Variants in DIP2A observed in about 807,000 individuals in gnomAD.
DIP2A encodes the protein DIP2 acetate--CoA ligase A.
In DIP2A, 85 loss-of-function variants were observed where a neutral mutation model predicts 177.4. That is an observed-to-expected ratio of 0.48 (90% CI 0.40 to 0.57). DIP2A has a LOEUF of 0.57. DIP2A is among the 20% of genes least tolerant of loss of function. The pLI is 0.00. For synonymous variants in DIP2A, 886 were observed against 881.8 expected, an observed-to-expected ratio of 1.00 and a Z score of -0.08; for missense variants, 1,791 against 2,100.2, an observed-to-expected ratio of 0.85 and a Z score of 2.88.
At chr21:46,504,073 C>T (rs1026989754) in intron 5 of DIP2A, among the ~76,000 whole-genome samples, 2 of 152,208 alleles carry the variant, frequency 1.3e-5, no homozygotes, top group African/African-American at 4.8e-5. Context: ...TTGTGACAGG[C>T]AGGTTTACTC....
intron 1 of DIP2A, among the ~76,000 whole-genome samples, chr21:46,472,956 C>T (rs2055524989): frequency 6.6e-6 from 1 of 152,176 alleles, no homozygotes; most frequent in Non-Finnish European, 1.5e-5. Context: ...GGCTACTGAA[C>T]ACTTGAAATG....
chr21:46,461,467 C>T (rs764742396), intron 1 of DIP2A, among the ~76,000 whole-genome samples: 1 of 151,874 alleles, frequency 6.6e-6, no homozygotes, highest in Non-Finnish European at 1.5e-5. Flanking sequence ...CATATTTTTG[C>T]GTATTGCTCC....
In DIP2A at chr21:46,557,568, A is replaced by G. The variant is rs774544015; in HGVS notation, c.3630-17A>G. The G allele has an allele frequency of 2.5e-6, 4 of 1,595,340 alleles. No homozygotes were observed. Among genetic ancestry groups the G allele is most frequent in the Non-Finnish European group, 3.4e-6 (4 of 1,166,232 alleles). On this transcript the variant is annotated splice_polypyrimidine_tract_variant and intron_variant, in intron 30 of 37. Transcript: ENST00000417564. This position sits in a 1 kb window ranked among gnomAD's most constrained non-coding sequence, Gnocchi z 6.0. The stretch of plus-strand genomic sequence containing the variant: ...CTGGGTGGGCGGGCGGAGCCTCACG[A>G]GCCTTCCCTCTCGCAGTGTCTACTC...
chr21:46,559,696 C>A (rs1055863321), intron 32 of DIP2A, among the ~76,000 whole-genome samples: 1 of 152,180 alleles, frequency 6.6e-6, no homozygotes, highest in Admixed American at 6.5e-5. Context: ...ATGGGATGTT[C>A]ACGTTTGCTC....
intron 34 of DIP2A, among the ~76,000 whole-genome samples, chr21:46,562,980 A>C (rs1243080050): frequency 6.6e-6 from 1 of 152,110 alleles, no homozygotes; most frequent in Non-Finnish European, 1.5e-5. Flanking sequence ...GTACAGCCGC[A>C]CTGTAATTGT....
intron 8 of DIP2A, among the ~76,000 whole-genome samples, chr21:46,519,377 C>T (rs985964689): frequency 1.3e-5 from 2 of 152,136 alleles, no homozygotes; most frequent in African/African-American, 4.8e-5. Context: ...TTTACCTAGC[C>T]CCTATTCAAG....
chr21:46,537,033 T>G lies in DIP2A; in HGVS notation c.1643-191T>G, dbSNP rs149228892. ...CTGTGTTAGTTCCATGACCTTCTACTTTTATGTGTTTCCAGTAATTTGAAT... is the reference window on the plus strand; with the variant it reads ...CTGTGTTAGTTCCATGACCTTCTACGTTTATGTGTTTCCAGTAATTTGAAT... On this transcript the variant is annotated intron_variant, in intron 13 of 37. Transcript: ENST00000417564. The surrounding 1 kb of genome is among the most constrained non-coding windows in gnomAD (Gnocchi z 4.1). Among the ~76,000 whole-genome samples the G allele has an allele frequency of 2.2e-4, 34 of 152,362 alleles. No individual in the cohort carries two copies. The highest frequency in any genetic ancestry group is 8.2e-4 in the African/African-American group (34 of 41,586).
rs982192839 is a variant in DIP2A at position 46,511,329 on chromosome 21, A to T, written c.905-88A>T. 5 of 1,327,900 alleles carry T rather than the reference A, an allele frequency of 3.8e-6. No homozygotes were observed. The East Asian group carries it at 1.3e-4, about 35-fold the overall frequency. 82.3% of individuals were successfully genotyped at this position (1,327,900 alleles called of 1,614,324 possible). A position where few individuals can be genotyped will look rare whatever the true frequency, so the allele number is the denominator to read the frequency against. On this transcript the variant is annotated intron_variant, in intron 7 of 37. Transcript: ENST00000417564. ...GCTTTTTTATAGTTGGGATTAAAAA[A>T]CAATATTATAAACTATGAATGCTTA...
chr21:46,567,673 A>C lies in DIP2A; in HGVS notation c.*51A>C. The C allele has an allele frequency of 1.3e-6, 2 of 1,540,942 alleles. No individual in the cohort carries two copies. Among genetic ancestry groups the C allele is most frequent in the South Asian group, 2.5e-5 (2 of 79,876 alleles). Reference sequence around the variant, plus strand: ...GAGATGAATGAGCCCCAGCAGTCCAAGGTGTGATGTGGGAAGACACCGCAG... The same window carrying C: ...GAGATGAATGAGCCCCAGCAGTCCACGGTGTGATGTGGGAAGACACCGCAG... On this transcript the variant is annotated 3_prime_UTR_variant, in exon 38 of 38. Coordinates refer to ENST00000417564, the MANE Select transcript of DIP2A (RefSeq NM_015151.4).
Position 46,473,452 on chromosome 21 carries a change from C to T in DIP2A, c.92-11305C>T, listed in dbSNP as rs187723531. 2.4e-4 allele frequency among the ~76,000 whole-genome samples: 31 copies of T among 130,438 alleles called. No homozygotes were observed. In the East Asian group the frequency reaches 6.1e-3, roughly 26 times the overall value. The allele number at this position is 130,438 out of a possible 152,430, so 85.6% of individuals were successfully genotyped here. Reference sequence around the variant, plus strand: ...CCTGGGTGCCACAGTGAGACCATGTCTCAGGGAAAAAAAAAGGGGGGGGGG... The same window carrying T: ...CCTGGGTGCCACAGTGAGACCATGTTTCAGGGAAAAAAAAAGGGGGGGGGG... On this transcript the variant is annotated intron_variant, in intron 1 of 37. Coordinates refer to ENST00000417564, the MANE Select transcript of DIP2A (RefSeq NM_015151.4).
intron 8 of DIP2A, among the ~76,000 whole-genome samples, chr21:46,519,450 C>T (rs903701313): frequency 2.6e-5 from 4 of 152,144 alleles, no homozygotes; most frequent in African/African-American, 9.7e-5. Context: ...TGAGAGAAGC[C>T]TTAATTCTAA....
At chr21:46,571,173 G>A (rs563640163), downstream of DIP2A, among the ~76,000 whole-genome samples, 31 of 152,274 alleles carry the variant, frequency 2.0e-4, 1 homozygote, top group South Asian at 3.7e-3. Context: ...CTAACTGCAC[G>A]TGCCAGGGAT....
intron 34 of DIP2A, among the ~76,000 whole-genome samples, chr21:46,562,568 C>T (rs1807076904): frequency 6.6e-6 from 1 of 152,130 alleles, no homozygotes; most frequent in Admixed American, 6.5e-5. Context: ...GATACAGACT[C>T]CTGCAGGGCA....
intron 6 of DIP2A, among the ~76,000 whole-genome samples, chr21:46,507,644 A>T (rs2058080609): frequency 1.7e-5 from 2 of 117,022 alleles, no homozygotes; most frequent in Non-Finnish European, 1.8e-5. Flanking sequence ...TCTTGAAATT[A>T]TACAGTTTGA....
In DIP2A at chr21:46,497,134, CTT is replaced by C. The variant is rs11315869; in HGVS notation, c.403+34_403+35del. ...TATTGATAAACAATGTCAAGTGTGG[CTT>C]TTTTTTGAGTGTTTCACAGGCCTGA... On this transcript the variant is annotated intron_variant, in intron 4 of 37. Transcript: ENST00000417564. 3.1e-6 allele frequency: 5 copies of C among 1,596,492 alleles called. No individual in the cohort carries two copies. In the South Asian group the frequency reaches 4.6e-5, roughly 15 times the overall value.
At chr21:46,463,731 C>T (rs539426519) in intron 1 of DIP2A, among the ~76,000 whole-genome samples, 5 of 109,178 alleles carry the variant, frequency 4.6e-5, no homozygotes, top group East Asian at 5.1e-4. Flanking sequence ...TATTTTGAGA[C>T]GGAGTCTCAC....
chr21:46,474,265 G>A (rs116901114), intron 1 of DIP2A, among the ~76,000 whole-genome samples: 2 of 152,362 alleles, frequency 1.3e-5, no homozygotes, highest in African/African-American at 4.8e-5. Flanking sequence ...GGAGATCTGA[G>A]TGGTGGGACC....
At chr21:46,491,285 T>C (rs2056999183) in intron 3 of DIP2A, among the ~76,000 whole-genome samples, 1 of 152,208 alleles carries the variant, frequency 6.6e-6, no homozygotes, top group South Asian at 2.1e-4. Flanking sequence ...ATCTATTTAA[T>C]ATTTTCACCA....
intron 5 of DIP2A, among the ~76,000 whole-genome samples, chr21:46,499,439 G>C (rs1421757891): frequency 6.6e-6 from 1 of 152,078 alleles, no homozygotes; most frequent in Non-Finnish European, 1.5e-5. Context: ...CTTTCCTCTT[G>C]GCTATGTGTT....
Sources: allele counts gnomAD v4.1 joint callset (sites outside exome capture counted in the v4.1 genomes callset), GRCh38; gene constraint gnomAD v4.1.1; non-coding constraint Gnocchi (gnomAD v3.1); transcripts MANE v1.5; gene names NCBI Gene and HGNC (gene_info 2026-07-23, HGNC 2026-07-21).